The following OSBPL10 variants were observed in gnomAD, a reference collection of about 807,000 sequenced individuals.
The protein encoded by OSBPL10 is oxysterol binding protein like 10, also known as oxysterol-binding protein-related protein 10.
Under a neutral mutation model 81.7 loss-of-function variants are expected in OSBPL10, and 49 were observed. The ratio of observed to expected loss-of-function variants is 0.60; its 90% CI spans 0.48 to 0.76. The LOEUF (loss-of-function observed/expected upper bound fraction) is 0.76, where lower values mean the gene tolerates loss of function less well. Ranked by LOEUF, OSBPL10 falls within the 30% of genes least tolerant of loss-of-function variation. OSBPL10 has a pLI of 0.00. For synonymous variants in OSBPL10, 419 were observed against 383.6 expected (o/e 1.09, Z -1.08); for missense variants, 923 against 987.8 (o/e 0.93, Z 0.88).
Position 32,064,775 on chromosome 3 carries a change from G to C in OSBPL10, n.185+12621C>G, listed in dbSNP as rs779363388. On this transcript the variant is annotated intron_variant and non_coding_transcript_variant, in intron 1 of 3. Coordinates refer to the OSBPL10 transcript ENST00000479173. ...CAAGAAGTAATGATTTAGCTCAAGG[G>C]GAAGTGCTACATAACTGCTGTTACA... 2.2e-5 allele frequency: 2 copies of C among 92,954 alleles called. 1 individual carries two copies. Among genetic ancestry groups the C allele is most frequent in the Non-Finnish European group, 5.8e-5 (2 of 34,728 alleles). 5.8% of individuals were successfully genotyped at this position (92,954 alleles called of 1,614,324 possible). A position where few individuals can be genotyped will look rare whatever the true frequency, so the allele number is the denominator to read the frequency against.
chr3:31,674,507 C>T lies in OSBPL10; in HGVS notation c.1727-3524G>A, dbSNP rs541988210. On this transcript the variant is annotated intron_variant, in intron 8 of 11. Coordinates refer to ENST00000396556, the MANE Select transcript of OSBPL10 (RefSeq NM_017784.5). ...CCCGGGAGGTCGAGGCTGCAGTGAG[C>T]CATGGTCACGTCACTGCACTCCAGC... 2.6e-5 allele frequency among the ~76,000 whole-genome samples: 4 copies of T among 152,122 alleles called. No homozygotes were observed. In the South Asian group the frequency reaches 8.3e-4, roughly 32 times the overall value.
chr3:31,761,348 C>T (rs1488510421), intron 4 of OSBPL10, among the ~76,000 whole-genome samples: 3 of 151,158 alleles, frequency 2.0e-5, no homozygotes, highest in East Asian at 3.9e-4. Flanking sequence ...GGCACACACC[C>T]GTAATCCCAG....
intron 1 of OSBPL10, among the ~76,000 whole-genome samples, chr3:32,071,747 G>A (rs4955234): frequency 0.54 from 75,354 of 140,536 alleles, 16,027 homozygotes; most frequent in East Asian, 0.81. Flanking sequence ...TCCTTCAGCT[G>A]TACTCACTCT....
intron 4 of OSBPL10, among the ~76,000 whole-genome samples, chr3:31,802,395 T>C (rs1488760876): frequency 7.1e-6 from 1 of 139,864 alleles, no homozygotes; most frequent in East Asian, 2.1e-4. Flanking sequence ...CCATCTCTAC[T>C]AAAAAAAAAA....
At chr3:31,989,414 T>C in intron 2 of OSBPL10, 3 of 1,614,136 alleles carry the variant, frequency 1.9e-6, no homozygotes, top group Non-Finnish European at 2.5e-6. Flanking sequence ...ATTCATGACT[T>C]TGAGTTTCAA....
intron 1 of OSBPL10, among the ~76,000 whole-genome samples, chr3:31,908,465 A>T (rs1335395702): frequency 6.6e-6 from 1 of 152,038 alleles, no homozygotes; most frequent in East Asian, 1.9e-4. Context: ...TGGAAGAGCC[A>T]CCCCCTTCTC....
chr3:31,954,600 G>C (rs923264286), intron 1 of OSBPL10, among the ~76,000 whole-genome samples: 7 of 152,146 alleles, frequency 4.6e-5, no homozygotes, highest in African/African-American at 1.7e-4. Flanking sequence ...CAGGGGGAAG[G>C]ATGGTGGTTG....
intron 4 of OSBPL10, among the ~76,000 whole-genome samples, chr3:31,820,379 G>T (rs1699952555): frequency 6.6e-6 from 1 of 152,152 alleles, no homozygotes; most frequent in African/African-American, 2.4e-5. Flanking sequence ...GGTGGCTCAT[G>T]AGGTCAGGAG....
At chr3:31,803,189 C>T (rs980548430) in intron 4 of OSBPL10, among the ~76,000 whole-genome samples, 5 of 152,154 alleles carry the variant, frequency 3.3e-5, no homozygotes, top group Non-Finnish European at 5.9e-5. Flanking sequence ...GATGGTTCCA[C>T]TTCCACATGC....
At chr3:32,070,304 G>A (rs964576581) in intron 1 of OSBPL10, among the ~76,000 whole-genome samples, 2 of 152,098 alleles carry the variant, frequency 1.3e-5, no homozygotes, top group East Asian at 1.9e-4. Context: ...TGCCAGCTTG[G>A]ACAACATTCT....
intron 2 of OSBPL10, among the ~76,000 whole-genome samples, chr3:32,017,639 C>T (rs1458602183): frequency 6.6e-6 from 1 of 152,206 alleles, no homozygotes; most frequent in Non-Finnish European, 1.5e-5. Context: ...CCGGAAAGTA[C>T]ACTAAACTGG....
intron 2 of OSBPL10, among the ~76,000 whole-genome samples, chr3:32,045,378 G>A (rs1699611735): frequency 6.6e-6 from 1 of 152,172 alleles, no homozygotes; most frequent in African/African-American, 2.4e-5. Context: ...CGGTGATTAT[G>A]ATAAGACTAA....
At chr3:31,945,378 C>T (rs905961856) in intron 1 of OSBPL10, among the ~76,000 whole-genome samples, 1 of 152,144 alleles carries the variant, frequency 6.6e-6, no homozygotes, top group African/African-American at 2.4e-5. Context: ...ACTATCTGGA[C>T]CGGAAGCCTC....
intron 3 of OSBPL10, among the ~76,000 whole-genome samples, chr3:31,854,089 C>T (rs1298813749): frequency 6.6e-6 from 1 of 151,744 alleles, no homozygotes; most frequent in Non-Finnish European, 1.5e-5. Flanking sequence ...AAATATTGGT[C>T]AAGGTCACTC....
At chr3:31,733,878 C>T (rs562071583) in intron 5 of OSBPL10, among the ~76,000 whole-genome samples, 129 of 151,650 alleles carry the variant, frequency 8.5e-4, no homozygotes, top group Non-Finnish European at 9.7e-4. Context: ...GGCGTGGTGG[C>T]GGGCACCTGT....
intron 1 of OSBPL10, among the ~76,000 whole-genome samples, chr3:31,899,440 A>G (rs1696169399): frequency 6.6e-6 from 1 of 152,230 alleles, no homozygotes; most frequent in African/African-American, 2.4e-5. Flanking sequence ...ACAGATAAAA[A>G]TCAGTGGTTA....
intron 4 of OSBPL10, among the ~76,000 whole-genome samples, chr3:31,766,779 C>G (rs774270332): frequency 3.5e-4 from 53 of 152,264 alleles, no homozygotes; most frequent in Non-Finnish European, 4.1e-4. Flanking sequence ...AATAATGGAG[C>G]ATTTCTCTAA....
In OSBPL10 at chr3:31,670,822, G is replaced by A. The variant is rs950945097; in HGVS notation, c.1888C>T (p.Pro630Ser). 6.2e-7 allele frequency: 1 copy of A among 1,613,966 alleles called. No individual in the cohort carries two copies. The highest frequency in any genetic ancestry group is 1.3e-5 in the African/African-American group (1 of 74,928). The change falls in exon 9 of 12, where the codon CCT (proline) becomes TCT (serine). Residue 630 changes from proline to serine, a missense_variant. Pro to Ser is a moderately conservative substitution (Grantham distance 74). Around this residue, in one of 3 missense-constraint regions of OSBPL10, gnomAD observed 387 missense variants for 436.3 expected, o/e 0.89. Transcript: ENST00000396556. ...YSATVIFHTK[P>S]FYGGKVHRVT... ...CTGTGGACTTTCCCTCCATAGAAAGGCTTCGTGTGGAATATCACTGTCGCT... is the reference window on the plus strand; with the variant it reads ...CTGTGGACTTTCCCTCCATAGAAAGACTTCGTGTGGAATATCACTGTCGCT...
intron 4 of OSBPL10, among the ~76,000 whole-genome samples, chr3:31,797,442 A>G (rs1447455604): frequency 6.6e-6 from 1 of 152,198 alleles, no homozygotes. Flanking sequence ...TTTTACAGTC[A>G]CTGATTCCAA....
Sources: allele counts gnomAD v4.1 joint callset (sites outside exome capture counted in the v4.1 genomes callset), GRCh38; gene constraint gnomAD v4.1.1; regional missense constraint gnomAD v4.1.1; transcripts MANE v1.5; gene names NCBI Gene and HGNC (gene_info 2026-07-23, HGNC 2026-07-21).